STK38L: variants seen among roughly 807,000 people sequenced by gnomAD.
The protein encoded by STK38L is serine/threonine kinase 38 like, also known as serine/threonine-protein kinase 38-like.
STK38L carries 28 observed loss-of-function variants against 59.7 expected under a neutral mutation model. The observed-to-expected ratio is 0.47, with a 90% confidence interval of 0.35 to 0.64. The LOEUF (loss-of-function observed/expected upper bound fraction) is 0.64, where lower values mean the gene tolerates loss of function less well. Ranked by LOEUF, STK38L falls within the 30% of genes least tolerant of loss-of-function variation. STK38L has a pLI of 0.01. For missense variants in STK38L, 314 were observed against 555.8 expected, an observed-to-expected ratio of 0.56 and a Z score of 4.37; for synonymous variants, 162 against 176.8, an observed-to-expected ratio of 0.92 and a Z score of 0.66.
intron 1 of STK38L, among the ~76,000 whole-genome samples, chr12:27,263,217 C>T (rs1018009854): frequency 3.9e-5 from 6 of 152,260 alleles, no homozygotes; most frequent in South Asian, 4.1e-4. Flanking sequence ...TGGGGCACTA[C>T]GACTATGCAT....
At chr12:27,312,974 C>T (rs898263935) in intron 6 of STK38L, among the ~76,000 whole-genome samples, 1 of 152,086 alleles carries the variant, frequency 6.6e-6, no homozygotes, top group African/African-American at 2.4e-5. Context: ...ACTGGATGGG[C>T]GCAGTGGCTC....
chr12:27,321,954 T>C (rs536449401), intron 12 of STK38L, among the ~76,000 whole-genome samples, 189 bp from the exon 13 acceptor site: 10 of 152,210 alleles, frequency 6.6e-5, no homozygotes, highest in Non-Finnish European at 1.2e-4. Flanking sequence ...TCTAAGTAAA[T>C]GAAAACATTT....
chr12:27,246,791 C>T (rs377377880), intron 1 of STK38L, among the ~76,000 whole-genome samples: 10 of 152,118 alleles, frequency 6.6e-5, no homozygotes, highest in Non-Finnish European at 8.8e-5. Context: ...TAAAAGTTTG[C>T]TAATTGACAG....
At chr12:27,264,530 CCATATT>C (rs1317883509) in intron 1 of STK38L, among the ~76,000 whole-genome samples, 1 of 152,126 alleles carries the variant, frequency 6.6e-6, no homozygotes, top group Non-Finnish European at 1.5e-5. Flanking sequence ...AATTGACTCT[CCATATT>C]CATGGGTTCT....
intron 1 of STK38L, among the ~76,000 whole-genome samples, chr12:27,247,277 G>A (rs1031931813): frequency 6.6e-6 from 1 of 152,190 alleles, no homozygotes; most frequent in African/African-American, 2.4e-5. Flanking sequence ...GCTATTGAGT[G>A]GTAGGACCAG....
intron 2 of STK38L, among the ~76,000 whole-genome samples, chr12:27,300,052 G>T (rs183592682): frequency 6.3e-4 from 96 of 152,204 alleles, no homozygotes; most frequent in Non-Finnish European, 1.1e-3. Context: ...AAGGTTCATT[G>T]TCTTTACTTG....
At chr12:27,313,844 A>G (rs1274530810) in intron 6 of STK38L, among the ~76,000 whole-genome samples, 2 of 152,152 alleles carry the variant, frequency 1.3e-5, no homozygotes, top group Non-Finnish European at 2.9e-5. Flanking sequence ...TTAGTGGGAT[A>G]ATGTCCCACT....
At chr12:27,297,982 G>T in intron 2 of STK38L, 128 bp downstream of exon 2, 1 of 1,154,740 alleles carries the variant, frequency 8.7e-7, no homozygotes, top group South Asian at 1.6e-5. Flanking sequence ...TGAGTTTCCT[G>T]TACTGACAGT....
rs1436693470 is a variant in STK38L, at chr12:27,318,015, C to A, written c.1075C>A (p.Leu359Ile). ...ATCTGAGAAAGCCAAGGACTTAATT[C>A]TCAGGTTAGTGGTTAAATTCCTAGA... ...PISEKAKDLI[L>I]RFCIDSENRI... The change falls in exon 11 of 14, where the codon CTC becomes ATC. Residue 359 changes from leucine to isoleucine, a missense_variant. Physicochemically the swap from Leu to Ile is conservative, Grantham distance 5. Transcript: ENST00000389032. 1 of 1,613,808 alleles carries A rather than the reference C, an allele frequency of 6.2e-7. No homozygotes were observed. Among genetic ancestry groups the A allele is most frequent in the Admixed American group, 1.7e-5 (1 of 59,966 alleles).
rs773849569 is a variant in STK38L at position 27,314,485 on chromosome 12, T to C, written c.518-19T>C. The C allele has an allele frequency of 8.0e-6, 12 of 1,497,700 alleles. No homozygotes were observed. In the East Asian group the frequency reaches 2.7e-4, roughly 34 times the overall value. 92.8% of individuals were successfully genotyped at this position (1,497,700 alleles called of 1,614,324 possible). On this transcript the variant is annotated intron_variant, in intron 6 of 13. Transcript: ENST00000389032. ...TGAGGCATTTTCAATAATAATATAT[T>C]TGACTATCCTTTATTTAGGTGACAT...
chr12:27,287,887 G>A (rs1258817435), intron 1 of STK38L, among the ~76,000 whole-genome samples: 1 of 152,030 alleles, frequency 6.6e-6, no homozygotes, highest in Non-Finnish European at 1.5e-5. Flanking sequence ...TCAAGGTTTG[G>A]TTTGGTTTTG....
rs1369059576 is a variant in STK38L at position 27,325,325 on chromosome 12, T to G, written c.*2870T>G. On this transcript the variant is annotated 3_prime_UTR_variant, in exon 14 of 14. Transcript: ENST00000389032. The stretch of plus-strand genomic sequence containing the variant: ...ATAGGGTTTCATTTATTTCTATACT[T>G]TTTCTGTTTTTTAAACACCTGCATA... 4 of 152,176 alleles carry G rather than the reference T, an allele frequency of 2.6e-5. No homozygotes were observed. Among genetic ancestry groups the G allele is most frequent in the Non-Finnish European group, 5.9e-5 (4 of 67,996 alleles). The allele number at this position is 152,176 out of a possible 1,614,324, so 9.4% of individuals were successfully genotyped here. A position where few individuals can be genotyped will look rare whatever the true frequency, so the allele number is the denominator to read the frequency against.
chr12:27,274,069 A>G (rs1007515042), intron 1 of STK38L, among the ~76,000 whole-genome samples: 9 of 152,102 alleles, frequency 5.9e-5, no homozygotes, highest in African/African-American at 1.9e-4. Context: ...CCTGGCCAAC[A>G]TGGTGAAACC....
chr12:27,245,662 A>G (rs1321488835), intron 1 of STK38L: 2 of 152,104 alleles, frequency 1.3e-5, no homozygotes, highest in Non-Finnish European at 2.9e-5. Flanking sequence ...GAGGTATTGT[A>G]TGTGAATTAG....
At chr12:27,295,614 C>A (rs1342571278) in intron 1 of STK38L, among the ~76,000 whole-genome samples, 1 of 151,794 alleles carries the variant, frequency 6.6e-6, no homozygotes, top group Non-Finnish European at 1.5e-5. Flanking sequence ...AGATGCAGTG[C>A]TGTTGTGAGT....
intron 1 of STK38L, among the ~76,000 whole-genome samples, chr12:27,247,343 A>G (rs767121423): frequency 6.6e-6 from 1 of 152,236 alleles, no homozygotes; most frequent in Non-Finnish European, 1.5e-5. Flanking sequence ...ACTGCAATCC[A>G]TATTTTCTCT....
chr12:27,262,685 A>G (rs1178198981), intron 1 of STK38L, among the ~76,000 whole-genome samples: 1 of 140,110 alleles, frequency 7.1e-6, no homozygotes, highest in Non-Finnish European at 1.5e-5. Flanking sequence ...AGCCTGGGTG[A>G]TGGAGTGGGA....
intron 1 of STK38L, among the ~76,000 whole-genome samples, chr12:27,297,427 G>C (rs1057173881): frequency 6.6e-6 from 1 of 152,198 alleles, no homozygotes; most frequent in East Asian, 1.9e-4. Flanking sequence ...TGTTGAATGT[G>C]ACCTTTGTAT....
At chr12:27,313,271 T>A (rs1944503146) in intron 6 of STK38L, among the ~76,000 whole-genome samples, 1 of 148,902 alleles carries the variant, frequency 6.7e-6, no homozygotes. Context: ...AAAAAATACC[T>A]GAGACTGTGT....
Sources: gnomAD v4.1 joint callset for allele counts (sites outside exome capture counted in the v4.1 genomes callset) on GRCh38, gnomAD v4.1.1 for gene constraint, MANE v1.5 for transcripts, NCBI Gene and HGNC (gene_info 2026-07-23, HGNC 2026-07-21) for gene names.